The following FAT3 variants were observed in gnomAD, a reference collection of about 807,000 sequenced individuals.
FAT3 encodes the protein FAT atypical cadherin 3.
Under a neutral mutation model 310.2 loss-of-function variants are expected in FAT3, and 95 were observed. The observed-to-expected ratio is 0.31, with a 90% CI of 0.26 to 0.36. The LOEUF (loss-of-function observed/expected upper bound fraction) is 0.36. Ranked by LOEUF, FAT3 falls within the 10% of genes least tolerant of loss-of-function variation. The probability of loss-of-function intolerance (pLI) is 1.00; values close to 1 mark genes in which losing one functional copy is unlikely to be tolerated. For synonymous variants in FAT3, 2,314 were observed against 2,192.9 expected, an observed-to-expected ratio of 1.06 and a Z score of -1.54; for missense variants, 5,408 against 5,715.6, an observed-to-expected ratio of 0.95 and a Z score of 1.74.
chr11:92,395,981 G>T (rs1949860945), intron 2 of FAT3, among the ~76,000 whole-genome samples: 1 of 151,988 alleles, frequency 6.6e-6, no homozygotes, highest in South Asian at 2.1e-4. Flanking sequence ...ATTCATTTGG[G>T]TGTCTTTTCC....
chr11:92,847,860 A>G (rs1241320964), intron 19 of FAT3, among the ~76,000 whole-genome samples: 1 of 152,138 alleles, frequency 6.6e-6, no homozygotes, highest in Admixed American at 6.5e-5. Context: ...ATTTTTAGGC[A>G]TTTTCTTGTT....
intron 2 of FAT3, among the ~76,000 whole-genome samples, chr11:92,463,238 C>G (rs928757291): frequency 6.6e-6 from 1 of 152,182 alleles, no homozygotes; most frequent in Admixed American, 6.6e-5. Context: ...TAATTGCTGG[C>G]ATGCTCTCAT....
In FAT3 at chr11:92,354,006, G is replaced by A. The variant is rs1377582799; in HGVS notation, c.1894G>A (p.Val632Ile). 6.2e-7 allele frequency: 1 copy of A among 1,613,096 alleles called. No individual in the cohort carries two copies. The highest frequency in any genetic ancestry group is 8.5e-7 in the Non-Finnish European group (1 of 1,179,518). The change falls in exon 2 of 28, where the codon GTT becomes ATT. Residue 632 changes from valine to isoleucine, a missense_variant. This residue lies in a region of FAT3 where 4,588 missense variants were observed against 4,809.8 expected (regional missense o/e 0.95). Transcript: ENST00000525166. ...CTTTTATTTAAACCCAGATTCTGGTGTTTTACAGCTTAAAAAATCACTGAC... is the reference window on the plus strand; with the variant it reads ...CTTTTATTTAAACCCAGATTCTGGTATTTTACAGCTTAAAAAATCACTGAC... ...GFFYLNPDSG[V>I]LQLKKSLTNS...
rs1375700981 is a variant in FAT3 at position 92,831,703 on chromosome 11, T to A, written c.9563T>A (p.Ile3188Asn). The A allele has an allele frequency of 6.2e-7, 1 of 1,613,454 alleles. No homozygotes were observed. ...FSIDSSSGII[I>N]LEQPLDREQQ... ...ATTGACAGCTCATCTGGCATCATCATCCTGGAGCAGCCACTGGACCGTGAG... is the reference window on the plus strand; with the variant it reads ...ATTGACAGCTCATCTGGCATCATCAACCTGGAGCAGCCACTGGACCGTGAG... The change falls in exon 14 of 28, where the codon ATC becomes AAC. Residue 3188 changes from isoleucine (I) to asparagine (N), a missense_variant. Coordinates refer to ENST00000525166, the MANE Select transcript of FAT3 (RefSeq NM_001367949.2).
chr11:92,889,831 T>TACTTTTC, intron 26 of FAT3, 25 bp from the exon 27 acceptor site: 1 of 717,870 alleles, frequency 1.4e-6, no homozygotes, highest in Non-Finnish European at 2.6e-6. Context: ...CTGTCAGTTT[T>TACTTTTC]ACTTTTCACT....
At chr11:92,528,628 C>T (rs899457907) in intron 3 of FAT3, among the ~76,000 whole-genome samples, 13 of 151,736 alleles carry the variant, frequency 8.6e-5, no homozygotes, top group Admixed American at 3.3e-4. Flanking sequence ...CCTCATGATC[C>T]GCCCGCCTTG....
rs1225488904 is a variant in FAT3, at chr11:92,447,694, T to C, written c.3293-76940T>C. Among the ~76,000 whole-genome samples, 4 of 152,222 alleles carry C rather than the reference T, an allele frequency of 2.6e-5. No individual in the cohort carries two copies. The East Asian group carries it at 7.7e-4, about 29-fold the overall frequency. ...ATCTTTGTGAGGTTCCCCTGTGTCC[T>C]GATGTGAGCAAGACCACCTACTGCT... On this transcript the variant is annotated intron_variant, in intron 2 of 27. Transcript: ENST00000525166.
At chr11:92,624,740 G>T (rs1238901511) in intron 3 of FAT3, among the ~76,000 whole-genome samples, 1 of 152,178 alleles carries the variant, frequency 6.6e-6, no homozygotes, top group Non-Finnish European at 1.5e-5. Flanking sequence ...TGCTGGGGCT[G>T]CTACAAAAAG....
At chr11:92,654,487 A>G (rs962757831) in intron 3 of FAT3, among the ~76,000 whole-genome samples, 3 of 152,202 alleles carry the variant, frequency 2.0e-5, no homozygotes, top group African/African-American at 7.2e-5. Flanking sequence ...TTCCATCTCC[A>G]TAAATGGTGC....
chr11:92,764,197 G>A (rs545517982), intron 5 of FAT3, among the ~76,000 whole-genome samples: 1 of 152,114 alleles, frequency 6.6e-6, no homozygotes, highest in East Asian at 1.9e-4. Context: ...AGAGTCATTA[G>A]CCCTGTCTTC....
chr11:92,752,050 A>G (rs1945843183), intron 4 of FAT3, among the ~76,000 whole-genome samples: 1 of 152,200 alleles, frequency 6.6e-6, no homozygotes, highest in Admixed American at 6.5e-5. Context: ...GCAGCAGCAC[A>G]TAATGTTTTA....
At chr11:92,435,607 A>G (rs1301676511) in intron 2 of FAT3, among the ~76,000 whole-genome samples, 1 of 135,476 alleles carries the variant, frequency 7.4e-6, no homozygotes, top group Non-Finnish European at 1.5e-5. Flanking sequence ...GTTCTATTGC[A>G]CAGGCTGGAG....
intron 22 of FAT3, among the ~76,000 whole-genome samples, chr11:92,870,763 G>T (rs1949365725): frequency 6.6e-6 from 1 of 152,218 alleles, no homozygotes; most frequent in African/African-American, 2.4e-5. Context: ...TAACTCCTGA[G>T]CTCCTGAGAT....
At chr11:92,356,849 A>C (rs938918512) in intron 2 of FAT3, among the ~76,000 whole-genome samples, 1 of 152,198 alleles carries the variant, frequency 6.6e-6, no homozygotes, top group Non-Finnish European at 1.5e-5. Flanking sequence ...AATACCAGAA[A>C]AAATGATTTA....
At chr11:92,237,539 G>A (rs1369038454) in intron 1 of FAT3, among the ~76,000 whole-genome samples, 1 of 152,136 alleles carries the variant, frequency 6.6e-6, no homozygotes, top group Non-Finnish European at 1.5e-5. Context: ...ACACTGGTGA[G>A]AATATTATAC....
At chr11:92,236,438 G>C in intron 1 of FAT3, among the ~76,000 whole-genome samples, 1 of 152,050 alleles carries the variant, frequency 6.6e-6, no homozygotes, top group South Asian at 2.1e-4. Flanking sequence ...TGAGGGGCAG[G>C]CTGGTGAAAT....
At chr11:92,282,113 C>T (rs1393697917) in intron 1 of FAT3, among the ~76,000 whole-genome samples, 1 of 152,010 alleles carries the variant, frequency 6.6e-6, no homozygotes, top group African/African-American at 2.4e-5. Context: ...ACCATGTTTG[C>T]CAGGCTGGCC....
At chr11:92,806,212 A>G in intron 11 of FAT3, 150 bp from the exon 12 acceptor site, 1 of 662,640 alleles carries the variant, frequency 1.5e-6, no homozygotes, top group Non-Finnish European at 2.5e-6. Context: ...GTTTCATAAT[A>G]TATTGAAATA....
Position 92,796,612 on chromosome 11 carries a change from A to G in FAT3, c.4823-1224A>G, listed in dbSNP as rs188765582. Among the ~76,000 whole-genome samples, 3 of 152,328 alleles carry G rather than the reference A, an allele frequency of 2.0e-5. No homozygotes were observed. In the East Asian group the frequency reaches 5.8e-4, roughly 29 times the overall value. The stretch of plus-strand genomic sequence containing the variant: ...AGAAAGAAAAGTCCAGATAGAGTTG[A>G]ATAACCAAGATCTTTAACTTTTGAT... On this transcript the variant is annotated intron_variant, in intron 9 of 27. Coordinates refer to ENST00000525166, the MANE Select transcript of FAT3 (RefSeq NM_001367949.2).
Sources: allele counts gnomAD v4.1 joint callset (sites outside exome capture counted in the v4.1 genomes callset), GRCh38; gene constraint gnomAD v4.1.1; regional missense constraint gnomAD v4.1.1; transcripts MANE v1.5; gene names NCBI Gene and HGNC (gene_info 2026-07-23, HGNC 2026-07-21).